Variants in CYP7B1 observed in about 807,000 individuals in gnomAD.
CYP7B1 encodes cytochrome P450 7B1.
CYP7B1 carries 29 observed loss-of-function variants against 42.7 expected under a neutral mutation model. That is an observed-to-expected ratio of 0.68 (90% CI 0.51 to 0.93). The LOEUF (loss-of-function observed/expected upper bound fraction) is 0.93, where lower values mean the gene tolerates loss of function less well. CYP7B1 is among the 40% of genes least tolerant of loss of function. The pLI, the probability that CYP7B1 is intolerant of heterozygous loss-of-function variation, is 0.00. For synonymous variants in CYP7B1, 235 were observed against 218.2 expected (o/e 1.08, Z -0.68); for missense variants, 655 against 600.5 (o/e 1.09, Z -0.95).
intron 1 of CYP7B1, among the ~76,000 whole-genome samples, chr8:64,767,334 G>A (rs1804112335): frequency 6.6e-6 from 1 of 152,136 alleles, no homozygotes; most frequent in South Asian, 2.1e-4. Flanking sequence ...GAAAGGAAAG[G>A]GAAATAGAAG....
chr8:64,645,088 A>T (rs1247752927), intron 1 of CYP7B1, among the ~76,000 whole-genome samples: 2 of 151,398 alleles, frequency 1.3e-5, no homozygotes, highest in Non-Finnish European at 2.9e-5. Flanking sequence ...AAGGACATGA[A>T]CTCATCATTT....
chr8:64,759,560 C>G (rs1381392347), intron 1 of CYP7B1, among the ~76,000 whole-genome samples: 2 of 151,972 alleles, frequency 1.3e-5, no homozygotes, highest in South Asian at 2.1e-4. Flanking sequence ...AAACAAAGAA[C>G]CCGATAAATT....
intron 1 of CYP7B1, among the ~76,000 whole-genome samples, chr8:64,784,703 TAATGTGCAAATATAACTCTG>T (rs888955212): frequency 6.6e-6 from 1 of 152,200 alleles, no homozygotes; most frequent in Non-Finnish European, 1.5e-5. Flanking sequence ...TTCATCAGAA[TAATGTGCAAATATAACTCTG>T]AACTGAATCG....
intron 1 of CYP7B1, among the ~76,000 whole-genome samples, chr8:64,648,780 G>T (rs1172477208): frequency 6.6e-6 from 1 of 152,142 alleles, no homozygotes; most frequent in African/African-American, 2.4e-5. Context: ...TCCATAAAAT[G>T]CATATTGTAA....
chr8:64,736,998 T>C (rs1807498376), intron 1 of CYP7B1, among the ~76,000 whole-genome samples: 1 of 152,218 alleles, frequency 6.6e-6, no homozygotes, highest in African/African-American at 2.4e-5. Context: ...AATAAGTATG[T>C]TTTAACAAAT....
rs11435388 is a variant in CYP7B1, at chr8:64,677,706, G to GTTT, written c.123-53170_123-53168dup. Among the ~76,000 whole-genome samples the GTTT allele has an allele frequency of 2.3e-3, 200 of 86,408 alleles. 17 individuals carry two copies. Among genetic ancestry groups the GTTT allele is most frequent in the African/African-American group, 7.3e-3 (162 of 22,320 alleles). 56.7% of individuals were successfully genotyped at this position (86,408 alleles called of 152,430 possible). A position where few individuals can be genotyped will look rare whatever the true frequency, so the allele number is the denominator to read the frequency against. ...GCATAAGAAGGAACCACACTCCTTG[G>GTTT]TTTTTTTTTTTTTTTTTTTTTTTTT... On this transcript the variant is annotated intron_variant, in intron 1 of 5. Transcript: ENST00000310193.
At chr8:64,702,455 T>C (rs1806931560) in intron 1 of CYP7B1, among the ~76,000 whole-genome samples, 1 of 152,064 alleles carries the variant, frequency 6.6e-6, no homozygotes, top group African/African-American at 2.4e-5. Flanking sequence ...GCAAAATATG[T>C]TTTTTCACAT....
intron 1 of CYP7B1, among the ~76,000 whole-genome samples, chr8:64,648,843 C>G (rs1805993544): frequency 6.6e-6 from 1 of 152,096 alleles, no homozygotes; most frequent in African/African-American, 2.4e-5. Flanking sequence ...AATCTAAAAT[C>G]TACGGTCTAG....
At position 64,591,986 on chromosome 8, in the gene CYP7B1, G is replaced by A. The variant is rs1017589224; in HGVS notation, c.*4656C>T. 1.3e-5 allele frequency among the ~76,000 whole-genome samples: 2 copies of A among 151,986 alleles called. No homozygotes were observed. The highest frequency in any genetic ancestry group is 4.8e-5 in the African/African-American group (2 of 41,360). ...GTGGATCACCTGAGGTCTGGAGTTCGAGACCAGCCTGATCAACATGGTGAA... is the reference window on the plus strand; with the variant it reads ...GTGGATCACCTGAGGTCTGGAGTTCAAGACCAGCCTGATCAACATGGTGAA... On this transcript the variant is annotated 3_prime_UTR_variant, in exon 6 of 6. Coordinates refer to ENST00000310193, the MANE Select transcript of CYP7B1 (RefSeq NM_004820.5).
rs1333310584 is a variant in CYP7B1, at chr8:64,600,645, C to T, written c.1234-3716G>A. ...AGTGTGCTGCAGACAGTTTGACCAG[C>T]TTGTCAGAGTGTGCACATCTCTTAG... On this transcript the variant is annotated intron_variant, in intron 5 of 5. Coordinates refer to ENST00000310193, the MANE Select transcript of CYP7B1 (RefSeq NM_004820.5). Among the ~76,000 whole-genome samples the T allele has an allele frequency of 1.3e-5, 2 of 152,116 alleles. 1 individual carries two copies. The highest frequency in any genetic ancestry group is 2.9e-5 in the Non-Finnish European group (2 of 68,024).
intron 1 of CYP7B1, among the ~76,000 whole-genome samples, chr8:64,669,818 G>T (rs1177723495): frequency 2.6e-5 from 4 of 151,896 alleles, no homozygotes; most frequent in Non-Finnish European, 5.9e-5. Context: ...ACATAGCTTT[G>T]TAAAAACTTG....
chr8:64,797,343 G>A (rs1804720348), intron 1 of CYP7B1, among the ~76,000 whole-genome samples: 1 of 152,142 alleles, frequency 6.6e-6, no homozygotes, highest in South Asian at 2.1e-4. Flanking sequence ...TAACTGGCTT[G>A]CAAATGCAAA....
chr8:64,630,332 C>A (rs1805671215), intron 1 of CYP7B1, among the ~76,000 whole-genome samples: 1 of 152,178 alleles, frequency 6.6e-6, no homozygotes, highest in African/African-American at 2.4e-5. Context: ...TTCTGTACAT[C>A]TGACTCATGG....
At chr8:64,601,743 A>G (rs1003531462) in intron 5 of CYP7B1, among the ~76,000 whole-genome samples, 1 of 152,196 alleles carries the variant, frequency 6.6e-6, no homozygotes, top group African/African-American at 2.4e-5. Context: ...CCTTCACTCA[A>G]AAGCCTATTT....
At chr8:64,619,261 G>T (rs1805493481) in intron 2 of CYP7B1, among the ~76,000 whole-genome samples, 1 of 152,100 alleles carries the variant, frequency 6.6e-6, no homozygotes. Context: ...CTTCTGAAAA[G>T]GTATTCTGAA....
chr8:64,690,663 G>A (rs1806724668), intron 1 of CYP7B1, among the ~76,000 whole-genome samples: 1 of 152,088 alleles, frequency 6.6e-6, no homozygotes, highest in Non-Finnish European at 1.5e-5. Flanking sequence ...TATATGTTGA[G>A]CCACGGTTAA....
intron 1 of CYP7B1, among the ~76,000 whole-genome samples, chr8:64,765,068 C>T (rs1351947587): frequency 6.6e-6 from 1 of 151,252 alleles, no homozygotes; most frequent in African/African-American, 2.4e-5. Flanking sequence ...AATTGGTCTG[C>T]TGAAACCTGA....
chr8:64,722,897 T>A (rs752996597), intron 1 of CYP7B1, among the ~76,000 whole-genome samples: 1 of 152,108 alleles, frequency 6.6e-6, no homozygotes, highest in South Asian at 2.1e-4. Flanking sequence ...AGGGTGAAAC[T>A]GCAATTGAGC....
intron 1 of CYP7B1, among the ~76,000 whole-genome samples, chr8:64,743,959 C>T (rs1033176961): frequency 6.6e-6 from 1 of 152,154 alleles, no homozygotes; most frequent in African/African-American, 2.4e-5. Flanking sequence ...TGGTGGCTCA[C>T]ATGTCATTGT....
Sources: gnomAD v4.1 joint callset for allele counts (sites outside exome capture counted in the v4.1 genomes callset) on GRCh38, gnomAD v4.1.1 for gene constraint, MANE v1.5 for transcripts, NCBI Gene and HGNC (gene_info 2026-07-23, HGNC 2026-07-21) for gene names.